The following GRM3 variants were observed in gnomAD, a reference collection of about 807,000 sequenced individuals.
GRM3 encodes the protein metabotropic glutamate receptor 3.
Under a neutral mutation model 70.5 loss-of-function variants are expected in GRM3, and 26 were observed. That is an observed-to-expected ratio of 0.37 (90% confidence interval 0.27 to 0.51). The LOEUF is 0.51. Ranked by LOEUF, GRM3 falls within the 20% of genes least tolerant of loss-of-function variation. GRM3 has a pLI of 0.93. For synonymous variants in GRM3, 443 were observed against 434.9 expected, an observed-to-expected ratio of 1.02 and a Z score of -0.23; for missense variants, 859 against 1,123.8, an observed-to-expected ratio of 0.76 and a Z score of 3.37.
At chr7:86,648,647 C>T (rs1793535890) in intron 1 of GRM3, among the ~76,000 whole-genome samples, 1 of 151,792 alleles carries the variant, frequency 6.6e-6, no homozygotes, top group Non-Finnish European at 1.5e-5. Flanking sequence ...AAGCTTACAT[C>T]ATGCATATAT....
chr7:86,775,334 A>G (rs1032912356), intron 2 of GRM3: 1 of 152,104 alleles, frequency 6.6e-6, no homozygotes, highest in African/African-American at 2.4e-5. Flanking sequence ...ACTACCAATG[A>G]AATAAAATAG....
chr7:86,673,923 C>G (rs965641988), intron 1 of GRM3, among the ~76,000 whole-genome samples: 1 of 152,066 alleles, frequency 6.6e-6, no homozygotes, highest in African/African-American at 2.4e-5. Context: ...CCACCTTTAC[C>G]TGCCCTAAAC....
chr7:86,863,117 T>A (rs1474261583), intron 5 of GRM3, among the ~76,000 whole-genome samples: 1 of 152,140 alleles, frequency 6.6e-6, no homozygotes, highest in Admixed American at 6.6e-5. Flanking sequence ...CTTTAACCGA[T>A]TCTCTCGGCT....
chr7:86,774,445 T>C (rs1036773574), intron 2 of GRM3, among the ~76,000 whole-genome samples: 6 of 152,086 alleles, frequency 3.9e-5, no homozygotes, highest in African/African-American at 1.4e-4. Flanking sequence ...GTGTGACTAT[T>C]TTTGACAACA....
intron 1 of GRM3, among the ~76,000 whole-genome samples, chr7:86,679,366 C>T (rs1345562461): frequency 1.3e-5 from 2 of 151,808 alleles, no homozygotes; most frequent in African/African-American, 4.8e-5. Flanking sequence ...TTGACAAATA[C>T]AGGAAGAAGA....
intron 1 of GRM3, among the ~76,000 whole-genome samples, chr7:86,704,880 G>T (rs1324470726): frequency 6.6e-6 from 1 of 151,678 alleles, no homozygotes; most frequent in Non-Finnish European, 1.5e-5. Context: ...AAAGGCTTGG[G>T]GTTTAGAGAA....
At chr7:86,679,621 A>G (rs1230175044) in intron 1 of GRM3, among the ~76,000 whole-genome samples, 1 of 151,512 alleles carries the variant, frequency 6.6e-6, no homozygotes, top group Non-Finnish European at 1.5e-5. Flanking sequence ...TAGGAAGAAA[A>G]TAGGAGTATC....
intron 3 of GRM3, among the ~76,000 whole-genome samples, chr7:86,810,522 C>T (rs925540652): frequency 6.6e-6 from 1 of 151,990 alleles, no homozygotes; most frequent in African/African-American, 2.4e-5. Context: ...TTGGAAACCA[C>T]TTCACATAAT....
intron 3 of GRM3, among the ~76,000 whole-genome samples, chr7:86,806,159 T>C (rs1408331225): frequency 6.6e-6 from 1 of 152,210 alleles, no homozygotes; most frequent in Non-Finnish European, 1.5e-5. Flanking sequence ...TGATGGACAT[T>C]TGGGTTGGTT....
intron 2 of GRM3, among the ~76,000 whole-genome samples, chr7:86,770,506 A>G (rs1796712543): frequency 6.6e-6 from 1 of 152,118 alleles, no homozygotes; most frequent in South Asian, 2.1e-4. Flanking sequence ...AACTCCTGAA[A>G]TTAAATCCAT....
At chr7:86,843,465 A>T (rs1399542700) in intron 4 of GRM3, among the ~76,000 whole-genome samples, 2 of 152,222 alleles carry the variant, frequency 1.3e-5, no homozygotes, top group African/African-American at 4.8e-5. Flanking sequence ...TCAGAAAAAA[A>T]TTTCAAAGGA....
At position 86,709,075 on chromosome 7, in the gene GRM3, C is replaced by G. The variant is rs185250239; in HGVS notation, c.-140-55931C>G. Among the ~76,000 whole-genome samples, 272 of 152,062 alleles carry G rather than the reference C, an allele frequency of 1.8e-3. 3 individuals are homozygous for G. Among genetic ancestry groups the G allele is most frequent in the Admixed American group, 0.018 (269 of 15,260 alleles). On this transcript the variant is annotated intron_variant, in intron 1 of 5. Coordinates refer to ENST00000361669, the MANE Select transcript of GRM3 (RefSeq NM_000840.3). ...CTCAAGGTTTTTTTTCATTTATAGTCAAAGTAATTACAAGCTTTGATTTCC... is the reference window on the plus strand; with the variant it reads ...CTCAAGGTTTTTTTTCATTTATAGTGAAAGTAATTACAAGCTTTGATTTCC...
chr7:86,839,822 T>A lies in GRM3; in HGVS notation c.2308T>A (p.Phe770Ile). The change falls in exon 4 of 6, where the codon TTC (phenylalanine) becomes ATC (isoleucine). Residue 770 changes from phenylalanine to isoleucine, a missense_variant. Phe to Ile is a conservative substitution (Grantham distance 21). Transcript: ENST00000361669. This position sits in a 1 kb window ranked among gnomAD's most constrained non-coding sequence, Gnocchi z 4.5. The part of the protein sequence containing the change: ...KCPENFNEAK[F>I]IGFTMYTTCI... ...CCCAGAAAATTTCAACGAAGCTAAG[T>A]TCATAGGTTTTACCATGTACACCAC... 6.2e-7 allele frequency: 1 copy of A among 1,614,106 alleles called. No individual in the cohort carries two copies. The highest frequency in any genetic ancestry group is 1.1e-5 in the South Asian group (1 of 91,086).
chr7:86,722,903 G>A (rs1795505261), intron 1 of GRM3, among the ~76,000 whole-genome samples: 1 of 152,072 alleles, frequency 6.6e-6, no homozygotes, highest in African/African-American at 2.4e-5. Context: ...TAAGGTCACA[G>A]AGCTCACTAA....
chr7:86,821,538 T>C (rs886256465), intron 3 of GRM3, among the ~76,000 whole-genome samples: 3 of 152,112 alleles, frequency 2.0e-5, no homozygotes, highest in African/African-American at 7.2e-5. Context: ...ACCCTATGGG[T>C]AAACAAGACG....
chr7:86,746,341 T>TTTTATATATATATAAAATTATATATA (rs1388333232), intron 1 of GRM3, among the ~76,000 whole-genome samples: 2 of 87,486 alleles, frequency 2.3e-5, no homozygotes, highest in Non-Finnish European at 4.1e-5. Flanking sequence ...CAGTCATGTA[T>TTTTATATATATATAAAATTATATATA]TATATATATA....
intron 3 of GRM3, among the ~76,000 whole-genome samples, chr7:86,789,117 C>A (rs1797342927): frequency 6.6e-6 from 1 of 152,186 alleles, no homozygotes; most frequent in African/African-American, 2.4e-5. Flanking sequence ...TTCAGTTTGG[C>A]TGTGCAAACC....
At chr7:86,660,303 T>C (rs1426217565) in intron 1 of GRM3, among the ~76,000 whole-genome samples, 7 of 152,070 alleles carry the variant, frequency 4.6e-5, no homozygotes, top group Admixed American at 4.6e-4. Flanking sequence ...AGCTGAACTT[T>C]GCCTTTCCTT....
At chr7:86,749,917 C>T (rs1251553391) in intron 1 of GRM3, among the ~76,000 whole-genome samples, 2 of 152,020 alleles carry the variant, frequency 1.3e-5, no homozygotes, top group Admixed American at 1.3e-4. Flanking sequence ...TTCCACTACT[C>T]AGTGACTGAG....
Sources: allele counts gnomAD v4.1 joint callset (sites outside exome capture counted in the v4.1 genomes callset), GRCh38; gene constraint gnomAD v4.1.1; non-coding constraint Gnocchi (gnomAD v3.1); transcripts MANE v1.5; gene names NCBI Gene and HGNC (gene_info 2026-07-23, HGNC 2026-07-21).